Variants in LAMTOR5 observed in about 807,000 individuals in gnomAD.
The protein encoded by LAMTOR5 is late endosomal/lysosomal adaptor, MAPK and MTOR activator 5, also known as ragulator complex protein LAMTOR5.
LAMTOR5 carries 8 observed loss-of-function variants against 12.1 expected under a neutral mutation model. The ratio of observed to expected loss-of-function variants is 0.66; its 90% CI spans 0.39 to 1.19. LAMTOR5 has a LOEUF of 1.19. Ranked by LOEUF, LAMTOR5 falls within the 50% of genes most tolerant of loss-of-function variation. The pLI is 0.01. For synonymous variants in LAMTOR5, 37 were observed against 41.9 expected, an observed-to-expected ratio of 0.88 and a Z score of 0.45; for missense variants, 110 against 112.8, an observed-to-expected ratio of 0.97 and a Z score of 0.11.
intron 3 of LAMTOR5, among the ~76,000 whole-genome samples, chr1:110,402,435 C>T (rs1407739264): frequency 6.6e-6 from 1 of 152,036 alleles, no homozygotes; most frequent in Non-Finnish European, 1.5e-5. Context: ...TTAGTAGAGA[C>T]AGGGTTTCAC....
At chr1:110,402,648 A>G (rs761877558) in intron 3 of LAMTOR5, among the ~76,000 whole-genome samples, 3 of 152,162 alleles carry the variant, frequency 2.0e-5, no homozygotes, top group Admixed American at 6.5e-5. Flanking sequence ...TCCAGAAGGT[A>G]TCATCATTAC....
At chr1:110,403,873 G>T (rs776571596) in intron 3 of LAMTOR5, 46 bp downstream of exon 3, 1 of 1,604,690 alleles carries the variant, frequency 6.2e-7, no homozygotes, top group South Asian at 1.1e-5. Context: ...ATTTTACCAG[G>T]AATTTTTCTG....
In LAMTOR5 at chr1:110,407,139, G is replaced by C. The variant is rs549899685; in HGVS notation, c.35+447C>G. 4.0e-5 allele frequency: 25 copies of C among 622,154 alleles called. No homozygotes were observed. The African/African-American group carries it at 4.6e-4, about 11-fold the overall frequency. The allele number at this position is 622,154 out of a possible 1,614,324, so 38.5% of individuals were successfully genotyped here. ...AATTTTACATAGATACTGCTTGTTC[G>C]AAAAATTTAAAGAATGATTTTTATC... On this transcript the variant is annotated intron_variant, in intron 1 of 3. Coordinates refer to ENST00000602318, the MANE Select transcript of LAMTOR5 (RefSeq NM_001382293.1).
rs1473435008 is a variant in LAMTOR5 at position 110,401,586 on chromosome 1, G to A, written c.216-3C>T. On this transcript the variant is annotated splice_polypyrimidine_tract_variant and splice_region_variant and intron_variant, in intron 3 of 3. Coordinates refer to ENST00000602318, the MANE Select transcript of LAMTOR5 (RefSeq NM_001382293.1). ...CGTGTTTCTGGATCATAATGTTCCT[G>A]AAATGCAGGAAGAAAATATTCAGTA... 2.5e-6 allele frequency: 4 copies of A among 1,601,094 alleles called. No individual in the cohort carries two copies. Among genetic ancestry groups the A allele is most frequent in the Non-Finnish European group, 3.4e-6 (4 of 1,169,472 alleles).
chr1:110,406,739 G>A, intron 1 of LAMTOR5: 1 of 309,340 alleles, frequency 3.2e-6, no homozygotes, highest in Non-Finnish European at 6.0e-6. Flanking sequence ...CAAGAGAATC[G>A]CTTGAACCTG....
chr1:110,402,204 C>T (rs771126351), intron 3 of LAMTOR5, among the ~76,000 whole-genome samples: 7 of 152,202 alleles, frequency 4.6e-5, no homozygotes, highest in South Asian at 2.1e-4. Context: ...CAGTACGTAA[C>T]GCTTGATAAT....
intron 3 of LAMTOR5, among the ~76,000 whole-genome samples, chr1:110,402,493 G>A (rs1001814183): frequency 2.6e-5 from 4 of 152,160 alleles, no homozygotes; most frequent in Non-Finnish European, 5.9e-5. Context: ...TGATCTGCCC[G>A]CCTTGGCCTC....
chr1:110,404,052 G>A lies in LAMTOR5; in HGVS notation c.98-16C>T, dbSNP rs1347599359. The A allele has an allele frequency of 2.5e-6, 4 of 1,611,956 alleles. No individual in the cohort carries two copies. In the East Asian group the frequency reaches 8.9e-5, roughly 36 times the overall value. On this transcript the variant is annotated splice_polypyrimidine_tract_variant and intron_variant, in intron 2 of 3. Transcript: ENST00000602318. Reference sequence around the variant, plus strand: ...GTCCCGCGGCCTGGAAAATAGAGATGATATATGTCACCTGATTGCTCATAG... The same window carrying A: ...GTCCCGCGGCCTGGAAAATAGAGATAATATATGTCACCTGATTGCTCATAG...
intron 1 of LAMTOR5, 22 bp from the exon 2 acceptor site, chr1:110,406,401 A>C: frequency 6.4e-7 from 1 of 1,574,394 alleles, no homozygotes; most frequent in East Asian, 2.3e-5. Flanking sequence ...AACACAAGAG[A>C]GTTGAAGTAC....
In LAMTOR5 at chr1:110,407,693, T is replaced by C; in HGVS notation, c.-73A>G. 1 of 1,614,186 alleles carries C rather than the reference T, an allele frequency of 6.2e-7. No individual in the cohort carries two copies. The highest frequency in any genetic ancestry group is 1.1e-5 in the South Asian group (1 of 91,078). ...CTTCTCCACCACAGGCCTCAGTCACTTGACGCGAGCGGGGCGTGGACCGTA... is the reference window on the plus strand; with the variant it reads ...CTTCTCCACCACAGGCCTCAGTCACCTGACGCGAGCGGGGCGTGGACCGTA... On this transcript the variant is annotated 5_prime_UTR_variant, in exon 1 of 4. Transcript: ENST00000602318.
chr1:110,403,597 A>G, intron 3 of LAMTOR5: 2 of 220,728 alleles, frequency 9.1e-6, no homozygotes, highest in East Asian at 1.3e-4. Flanking sequence ...CTGGTGCCAG[A>G]GCAACACCCT....
chr1:110,403,604 C>A (rs547888726), intron 3 of LAMTOR5: 2 of 225,374 alleles, frequency 8.9e-6, no homozygotes, highest in East Asian at 1.3e-4. Flanking sequence ...CAGAGCAACA[C>A]CCTGCCTCAA....
At chr1:110,401,734 G>A in intron 3 of LAMTOR5, 151 bp from the exon 4 acceptor site, 2 of 801,938 alleles carry the variant, frequency 2.5e-6, no homozygotes, top group Non-Finnish European at 3.9e-6. Flanking sequence ...AAAACATTTG[G>A]GAAATACATA....
At position 110,401,421 on chromosome 1, in the gene LAMTOR5, A is replaced by T; in HGVS notation, c.*102T>A. ...AACAGAAAAGTGCCTAATGCACATT[A>T]AATGAATGGCCTAACTACTGGAACT... is the stretch of plus-strand genomic sequence containing the variant. On this transcript the variant is annotated 3_prime_UTR_variant, in exon 4 of 4. Transcript: ENST00000602318. The T allele has an allele frequency of 7.6e-7, 1 of 1,313,880 alleles. No homozygotes were observed. The highest frequency in any genetic ancestry group is 1.1e-6 in the Non-Finnish European group (1 of 940,502). The allele number at this position is 1,313,880 out of a possible 1,614,324, so 81.4% of individuals were successfully genotyped here.
In LAMTOR5 at chr1:110,407,358, G is replaced by A. The variant is rs1472414395; in HGVS notation, c.35+228C>T. On this transcript the variant is annotated intron_variant, in intron 1 of 3. Transcript: ENST00000602318. ...CAGTTTTGGCCCGTGGCCTGGGCCC[G>A]GGAGACTCGCTCAAGAGGGAATGTG... 8 of 618,984 alleles carry A rather than the reference G, an allele frequency of 1.3e-5. No individual in the cohort carries two copies. In the Middle Eastern group the frequency reaches 1.7e-3, roughly 133 times the overall value. The allele number at this position is 618,984 out of a possible 1,614,324, so 38.3% of individuals were successfully genotyped here.
chr1:110,403,437 C>T (rs1050222675), intron 3 of LAMTOR5, among the ~76,000 whole-genome samples: 6 of 151,734 alleles, frequency 4.0e-5, no homozygotes, highest in Non-Finnish European at 5.9e-5. Context: ...GGTGAAACCT[C>T]ATCTCTACAA....
intron 3 of LAMTOR5, among the ~76,000 whole-genome samples, chr1:110,403,134 T>C (rs951974460): frequency 9.8e-5 from 15 of 152,342 alleles, no homozygotes; most frequent in African/African-American, 3.1e-4. Context: ...CTCTATGATG[T>C]TCATACAACA....
At chr1:110,406,613 T>C in intron 1 of LAMTOR5, 1 of 332,286 alleles carries the variant, frequency 3.0e-6, no homozygotes, top group Non-Finnish European at 5.6e-6. Context: ...TCACCTGAGG[T>C]CGGGAGTTCA....
intron 3 of LAMTOR5, 64 bp from the exon 4 acceptor site, chr1:110,401,647 G>A: frequency 1.3e-6 from 2 of 1,516,844 alleles, no homozygotes; most frequent in Non-Finnish European, 1.8e-6. Context: ...CAAGATTAAA[G>A]ATGTTGTTTG....
Sources: allele counts gnomAD v4.1 joint callset (sites outside exome capture counted in the v4.1 genomes callset), GRCh38; gene constraint gnomAD v4.1.1; transcripts MANE v1.5; gene names NCBI Gene and HGNC (gene_info 2026-07-23, HGNC 2026-07-21).